AKAP19: variants seen among roughly 807,000 people sequenced by gnomAD.
The protein encoded by AKAP19 is small A-kinase anchoring protein.
chr2:189,904,430 C>G, the AKAP19 span, among the ~76,000 whole-genome samples: 1 of 151,990 alleles, frequency 6.6e-6, no homozygotes, highest in East Asian at 1.9e-4. Context: ...GCCAATTATA[C>G]TTTGTCATAC....
the AKAP19 span, among the ~76,000 whole-genome samples, chr2:190,006,114 C>T: frequency 1.6e-4 from 24 of 152,294 alleles, no homozygotes; most frequent in East Asian, 4.6e-3. Context: ...AGACGAATAA[C>T]ACAGTATTCT....
At chr2:190,065,913 A>AG in the AKAP19 span, among the ~76,000 whole-genome samples, 1 of 152,156 alleles carries the variant, frequency 6.6e-6, no homozygotes, top group Non-Finnish European at 1.5e-5. Flanking sequence ...CCAGAATAGA[A>AG]GGGCTCACCA....
the AKAP19 span, among the ~76,000 whole-genome samples, chr2:190,158,371 A>C: frequency 3.4e-3 from 517 of 152,324 alleles, 5 homozygotes; most frequent in African/African-American, 0.012. Context: ...ATTTCAGTGT[A>C]TGCAGACCTC....
At chr2:190,087,708 C>G in the AKAP19 span, among the ~76,000 whole-genome samples, 2 of 152,206 alleles carry the variant, frequency 1.3e-5, no homozygotes, top group Non-Finnish European at 2.9e-5. Context: ...AATCATACAT[C>G]ATGAACCCTT....
chr2:189,901,205 G>A, the AKAP19 span, among the ~76,000 whole-genome samples: 1 of 151,712 alleles, frequency 6.6e-6, no homozygotes, highest in African/African-American at 2.4e-5. Flanking sequence ...CCATGTAGAT[G>A]TTTTGGGGTT....
chr2:189,930,651 G>C, the AKAP19 span: 2 of 342,860 alleles, frequency 5.8e-6, no homozygotes, highest in South Asian at 7.4e-5. Context: ...ACTCCAGCCT[G>C]GGTGACAAGA....
At chr2:189,915,997 A>G in the AKAP19 span, among the ~76,000 whole-genome samples, 1 of 152,180 alleles carries the variant, frequency 6.6e-6, no homozygotes, top group African/African-American at 2.4e-5. Context: ...TATAAGATAA[A>G]CAATTAAGCT....
the AKAP19 span, among the ~76,000 whole-genome samples, chr2:189,986,193 T>A: frequency 6.6e-6 from 1 of 152,132 alleles, no homozygotes; most frequent in Non-Finnish European, 1.5e-5. Context: ...CCATTTTGAC[T>A]AGGTGTGGCC....
chr2:189,959,270 T>G, the AKAP19 span, among the ~76,000 whole-genome samples: 1 of 152,134 alleles, frequency 6.6e-6, no homozygotes, highest in Non-Finnish European at 1.5e-5. Context: ...TATACATGCT[T>G]TCCCTTCCTT....
the AKAP19 span, among the ~76,000 whole-genome samples, chr2:189,981,195 T>G: frequency 1.3e-5 from 2 of 152,158 alleles, no homozygotes; most frequent in African/African-American, 2.4e-5. Flanking sequence ...GCTCCAATGT[T>G]GGGTGTATAT....
chr2:190,048,862 A>C, the AKAP19 span, among the ~76,000 whole-genome samples: 38 of 152,340 alleles, frequency 2.5e-4, no homozygotes, highest in African/African-American at 9.1e-4. Context: ...CTGAAGAAAA[A>C]TAAATTGGAT....
chr2:190,025,289 A>T, the AKAP19 span, among the ~76,000 whole-genome samples: 1 of 152,164 alleles, frequency 6.6e-6, no homozygotes, highest in South Asian at 2.1e-4. Flanking sequence ...TTTTTAGCAG[A>T]GCATACAAGG....
chr2:190,090,827 C>T, the AKAP19 span: 1 of 152,222 alleles, frequency 6.6e-6, no homozygotes, highest in Non-Finnish European at 1.5e-5. Context: ...ACTTTCTTAT[C>T]ACAGTACTAA....
chr2:189,995,059 G>A, the AKAP19 span, among the ~76,000 whole-genome samples: 1 of 152,172 alleles, frequency 6.6e-6, no homozygotes, highest in Non-Finnish European at 1.5e-5. Context: ...GTCTGTCTTG[G>A]AGAATGTTCC....
the AKAP19 span, among the ~76,000 whole-genome samples, chr2:190,116,633 C>T: frequency 6.6e-6 from 1 of 152,204 alleles, no homozygotes; most frequent in Non-Finnish European, 1.5e-5. Flanking sequence ...CTTTTTAATT[C>T]CTAAGGACCA....
the AKAP19 span, among the ~76,000 whole-genome samples, chr2:189,937,720 G>A: frequency 6.6e-6 from 1 of 152,158 alleles, no homozygotes; most frequent in African/African-American, 2.4e-5. Context: ...ATCATCTCAT[G>A]CCAGTTAAAA....
chr2:189,985,204 C>T, the AKAP19 span, among the ~76,000 whole-genome samples: 2 of 152,200 alleles, frequency 1.3e-5, no homozygotes, highest in African/African-American at 4.8e-5. Flanking sequence ...CAACTTCTTA[C>T]TGTGGGCACT....
chr2:190,109,476 T>A, the AKAP19 span, among the ~76,000 whole-genome samples: 2 of 152,224 alleles, frequency 1.3e-5, no homozygotes, highest in Admixed American at 1.3e-4. Flanking sequence ...GGGTAGACAG[T>A]GTCTTTCAGA....
At chr2:190,003,128 C>T in the AKAP19 span, among the ~76,000 whole-genome samples, 1 of 151,990 alleles carries the variant, frequency 6.6e-6, no homozygotes, top group Non-Finnish European at 1.5e-5. Flanking sequence ...TGATAGAACA[C>T]TATTGACTTG....
Sources: allele counts gnomAD v4.1 joint callset (sites outside exome capture counted in the v4.1 genomes callset), GRCh38; gene constraint gnomAD v4.1.1; transcripts MANE v1.5; gene names NCBI Gene and HGNC (gene_info 2026-07-23, HGNC 2026-07-21).